ZBTB20: variants seen among roughly 807,000 people sequenced by gnomAD.
The protein encoded by ZBTB20 is zinc finger and BTB domain-containing protein 20.
In ZBTB20, 9 loss-of-function variants were observed where a neutral mutation model predicts 56.9. The ratio of observed to expected loss-of-function variants is 0.16; its 90% CI spans 0.10 to 0.28. The LOEUF (loss-of-function observed/expected upper bound fraction) is 0.28, where lower values mean the gene tolerates loss of function less well. Ranked by LOEUF, ZBTB20 falls within the 10% of genes least tolerant of loss-of-function variation. ZBTB20 has a pLI of 1.00. For missense variants in ZBTB20, 655 were observed against 1,003.0 expected (o/e 0.65, Z 4.69); for synonymous variants, 417 against 420.7 (o/e 0.99, Z 0.11).
intron 11 of ZBTB20, among the ~76,000 whole-genome samples, chr3:114,344,095 T>C (rs1001992485): frequency 1.3e-5 from 2 of 152,128 alleles, no homozygotes; most frequent in Non-Finnish European, 2.9e-5. Flanking sequence ...AGCGGTGTGA[T>C]TGCCTGCCAG....
At chr3:114,524,940 C>T (rs2047045615) in intron 6 of ZBTB20, among the ~76,000 whole-genome samples, 1 of 152,188 alleles carries the variant, frequency 6.6e-6, no homozygotes, top group African/African-American at 2.4e-5. Flanking sequence ...TCTCGAACTC[C>T]TGACCTCAAA....
rs144813578 is a variant in ZBTB20, at chr3:114,838,024, C to T, written c.-416-36850G>A. ...TGACATTCAAACCAAAAGAGATCACCCCAGTAGGAAGGTTTCATTAGGATG... is the reference window on the plus strand; with the variant it reads ...TGACATTCAAACCAAAAGAGATCACTCCAGTAGGAAGGTTTCATTAGGATG... On this transcript the variant is annotated intron_variant, in intron 4 of 11. Coordinates refer to ENST00000675478, the MANE Select transcript of ZBTB20 (RefSeq NM_001348800.3). Among the ~76,000 whole-genome samples the T allele has an allele frequency of 1.1e-4, 17 of 152,086 alleles. No individual in the cohort carries two copies. The South Asian group carries it at 2.7e-3, about 24-fold the overall frequency.
At chr3:114,382,781 T>TA in intron 8 of ZBTB20, among the ~76,000 whole-genome samples, 1 of 152,210 alleles carries the variant, frequency 6.6e-6, no homozygotes, top group Admixed American at 6.5e-5. Context: ...GGAAATGTCT[T>TA]AGTTATTTTA....
intron 4 of ZBTB20, among the ~76,000 whole-genome samples, chr3:114,863,670 G>T (rs796989982): frequency 1.1e-4 from 17 of 152,148 alleles, no homozygotes; most frequent in African/African-American, 4.1e-4. Flanking sequence ...TTGTTGAGGG[G>T]TATACATATC....
intron 3 of ZBTB20, among the ~76,000 whole-genome samples, chr3:114,968,807 C>A (rs1329868003): frequency 6.6e-6 from 1 of 152,128 alleles, no homozygotes; most frequent in African/African-American, 2.4e-5. Flanking sequence ...TGGAGATCTT[C>A]TATATCATAT....
intron 4 of ZBTB20, among the ~76,000 whole-genome samples, chr3:114,896,012 G>C (rs181583850): frequency 6.6e-6 from 1 of 152,044 alleles, no homozygotes; most frequent in Non-Finnish European, 1.5e-5. Flanking sequence ...TGCATCACTG[G>C]GTTCCAAGAT....
chr3:114,839,406 T>TGAAAGAAAGAAAGAAA (rs748321783), intron 4 of ZBTB20, among the ~76,000 whole-genome samples: 4,895 of 72,672 alleles, frequency 0.067, 355 homozygotes, highest in East Asian at 0.13. Context: ...AGAGCCTGTC[T>TGAAAGAAAGAAAGAAA]GAAAGAAAGA....
chr3:114,371,713 G>T (rs1293224687), intron 10 of ZBTB20, among the ~76,000 whole-genome samples: 1 of 152,280 alleles, frequency 6.6e-6, no homozygotes, highest in South Asian at 2.1e-4. Context: ...GGGAGAAAGG[G>T]CAGGGTTCTG....
rs146482286 is a variant in ZBTB20 at position 114,506,918 on chromosome 3, G to A, written c.-294-6527C>T. 4.8e-3 allele frequency among the ~76,000 whole-genome samples: 735 copies of A among 152,200 alleles called. 6 individuals are homozygous for A. The highest frequency in any genetic ancestry group is 7.6e-3 in the Non-Finnish European group (518 of 67,994). ...CATCTATGTCTCTGAGTCAGCTAAC[G>A]GTTCACACTTGAATCTCCCAAGCCT... is the stretch of plus-strand genomic sequence containing the variant. On this transcript the variant is annotated intron_variant, in intron 6 of 11. Coordinates refer to ENST00000675478, the MANE Select transcript of ZBTB20 (RefSeq NM_001348800.3).
intron 3 of ZBTB20, among the ~76,000 whole-genome samples, chr3:114,962,748 T>G (rs1474638976): frequency 6.6e-6 from 1 of 152,066 alleles, no homozygotes; most frequent in South Asian, 2.1e-4. Context: ...AAAAAACATT[T>G]ATATAGTCAT....
At position 114,615,401 on chromosome 3, in the gene ZBTB20, T is replaced by C. The variant is rs369787982; in HGVS notation, c.-295+78127A>G. Among the ~76,000 whole-genome samples, 13 of 152,276 alleles carry C rather than the reference T, an allele frequency of 8.5e-5. 1 individual carries two copies. Among genetic ancestry groups the C allele is most frequent in the African/African-American group, 2.4e-4 (10 of 41,554 alleles). ...ACTAAATACCAAGACTACAGTACTA[T>C]TATTTTCACAAGTGAGCATGGGTCA... On this transcript the variant is annotated intron_variant, in intron 6 of 11. Coordinates refer to ENST00000675478, the MANE Select transcript of ZBTB20 (RefSeq NM_001348800.3).
chr3:114,517,751 T>C (rs553469867), intron 6 of ZBTB20, among the ~76,000 whole-genome samples: 1 of 152,014 alleles, frequency 6.6e-6, no homozygotes, highest in African/African-American at 2.4e-5. Flanking sequence ...AATTTTTGTA[T>C]TTTTAGTAGA....
chr3:114,913,922 T>C (rs2075641417), intron 3 of ZBTB20, among the ~76,000 whole-genome samples: 1 of 152,080 alleles, frequency 6.6e-6, no homozygotes, highest in Admixed American at 6.6e-5. Flanking sequence ...GGGTTCTCTA[T>C]TCTGTTCCAT....
intron 4 of ZBTB20, 152 bp from the exon 5 acceptor site, chr3:114,801,326 T>TTTTTTTTTA (rs1553826550): frequency 8.0e-6 from 1 of 125,426 alleles, no homozygotes; most frequent in African/African-American, 3.0e-5. Context: ...TTTTTTCTGT[T>TTTTTTTTTA]AAGGAAAAAA....
In ZBTB20 at chr3:114,600,561, T is replaced by G. The variant is rs549661054; in HGVS notation, c.-295+92967A>C. 9.2e-5 allele frequency among the ~76,000 whole-genome samples: 14 copies of G among 152,180 alleles called. No homozygotes were observed. In the East Asian group the frequency reaches 2.1e-3, roughly 23 times the overall value. ...CTTTAATGTGAGATTCTCAATCAGATAAATTCACTGTGCTCTATTTACTCT... is the reference window on the plus strand; with the variant it reads ...CTTTAATGTGAGATTCTCAATCAGAGAAATTCACTGTGCTCTATTTACTCT... On this transcript the variant is annotated intron_variant, in intron 6 of 11. Coordinates refer to ENST00000675478, the MANE Select transcript of ZBTB20 (RefSeq NM_001348800.3).
intron 7 of ZBTB20, among the ~76,000 whole-genome samples, chr3:114,439,331 AT>A (rs1004037747): frequency 1.9e-4 from 29 of 152,238 alleles, no homozygotes; most frequent in African/African-American, 6.5e-4. Context: ...AATTACCACA[AT>A]AACTCTTTTC....
chr3:115,079,939 CTTAT>C (rs753704812), intron 1 of ZBTB20, among the ~76,000 whole-genome samples: 4 of 152,108 alleles, frequency 2.6e-5, no homozygotes, highest in Non-Finnish European at 4.4e-5. Flanking sequence ...ACGATATGAT[CTTAT>C]TTATTCTCCA....
intron 5 of ZBTB20, among the ~76,000 whole-genome samples, chr3:114,736,563 T>C (rs979252949): frequency 6.6e-6 from 1 of 152,188 alleles, no homozygotes; most frequent in Non-Finnish European, 1.5e-5. Flanking sequence ...GCTTATGCTG[T>C]TTTCTTGTTC....
chr3:114,382,672 T>C (rs1015325900), intron 8 of ZBTB20, among the ~76,000 whole-genome samples: 2 of 152,042 alleles, frequency 1.3e-5, no homozygotes, highest in African/African-American at 4.8e-5. Context: ...GCCTAAGCTC[T>C]TTTTTTTCTT....
Sources: allele counts gnomAD v4.1 joint callset (sites outside exome capture counted in the v4.1 genomes callset), GRCh38; gene constraint gnomAD v4.1.1; transcripts MANE v1.5; gene names NCBI Gene and HGNC (gene_info 2026-07-23, HGNC 2026-07-21).